EML1: variants seen among roughly 807,000 people sequenced by gnomAD.
EML1 encodes EMAP like 1.
A neutral mutation model predicts 110.4 loss-of-function variants in EML1; 27 were observed. That is an observed-to-expected ratio of 0.24 (90% confidence interval 0.18 to 0.34). The LOEUF is 0.34. Among genes scored for constraint, EML1 ranks in the 10% least tolerant of loss-of-function variants. The pLI, the probability that EML1 is intolerant of heterozygous loss-of-function variation, is 1.00. For missense variants in EML1, 741 were observed against 1,030.9 expected (o/e 0.72, Z 3.85); for synonymous variants, 344 against 385.8 (o/e 0.89, Z 1.27).
chr14:99,852,561 G>A (rs904699551), intron 2 of EML1, among the ~76,000 whole-genome samples: 1 of 152,164 alleles, frequency 6.6e-6, no homozygotes, highest in African/African-American at 2.4e-5. Context: ...GCTGCAGAGA[G>A]CACCACTGCA....
chr14:99,892,867 C>G (rs183087637), intron 5 of EML1, among the ~76,000 whole-genome samples: 1 of 152,314 alleles, frequency 6.6e-6, no homozygotes, highest in African/African-American at 2.4e-5. Context: ...TGCGAGCTTT[C>G]TGGCAGGACT....
Position 99,939,960 on chromosome 14 carries a change from A to G in EML1, c.2323-27A>G. ...AGATGGTTCGCCTTGTAGTAAAGGA[A>G]GCTTTCCCCCGTATCATTCCCTCCA... On this transcript the variant is annotated intron_variant, in intron 21 of 21. Transcript: ENST00000262233. The surrounding 1 kb of genome is among the most constrained non-coding windows in gnomAD (Gnocchi z 4.2). The G allele has an allele frequency of 6.6e-7, 1 of 1,513,288 alleles. No homozygotes were observed. Among genetic ancestry groups the G allele is most frequent in the Non-Finnish European group, 8.9e-7 (1 of 1,127,788 alleles). The allele number at this position is 1,513,288 out of a possible 1,614,324, so 93.7% of individuals were successfully genotyped here.
In EML1 at chr14:99,914,327, C is replaced by T. The variant is rs375425391; in HGVS notation, c.1620+23C>T. The T allele has an allele frequency of 1.9e-5, 31 of 1,597,196 alleles. No homozygotes were observed. In the African/African-American group the frequency reaches 3.0e-4, roughly 15 times the overall value. On this transcript the variant is annotated intron_variant, in intron 14 of 21. Coordinates refer to ENST00000262233, the MANE Select transcript of EML1 (RefSeq NM_004434.3). Reference sequence around the variant, plus strand: ...CAGGTACGATCCCACTCAGCAGGCCCGGCAAACACTCTCATTTTGCATTAT... The same window carrying T: ...CAGGTACGATCCCACTCAGCAGGCCTGGCAAACACTCTCATTTTGCATTAT...
chr14:99,932,516 G>A (rs544536601), intron 17 of EML1, among the ~76,000 whole-genome samples: 54 of 152,146 alleles, frequency 3.5e-4, no homozygotes, highest in Admixed American at 1.6e-3. Flanking sequence ...GCAGGCGCCT[G>A]TAATCCCAGC....
At chr14:99,743,397 G>A (rs1211659695) in intron 1 of EML1, among the ~76,000 whole-genome samples, 1 of 152,152 alleles carries the variant, frequency 6.6e-6, no homozygotes, top group African/African-American at 2.4e-5. Context: ...TAGTAGCTTC[G>A]AGTGGCACCA....
intron 1 of EML1, among the ~76,000 whole-genome samples, chr14:99,842,048 G>A (rs1002636051): frequency 6.6e-6 from 1 of 152,162 alleles, no homozygotes; most frequent in African/African-American, 2.4e-5. Context: ...GGGAAAAAAA[G>A]CTAAAGCTCA....
chr14:99,792,187 G>A (rs1056926879), upstream of EML1, among the ~76,000 whole-genome samples: 4 of 152,150 alleles, frequency 2.6e-5, no homozygotes, highest in African/African-American at 9.7e-5. Context: ...CTTCTGGAAG[G>A]ACAGGCCTCT....
intron 1 of EML1, among the ~76,000 whole-genome samples, chr14:99,820,904 A>G (rs1251270562): frequency 3.3e-5 from 5 of 151,986 alleles, no homozygotes; most frequent in Admixed American, 2.0e-4. Flanking sequence ...AAGCCTACAC[A>G]CTTTCTAACA....
intron 8 of EML1, among the ~76,000 whole-genome samples, chr14:99,900,181 CT>C (rs3071437): frequency 5.7e-3 from 607 of 106,578 alleles, no homozygotes; most frequent in Middle Eastern, 0.041. Flanking sequence ...ATATTAAGCT[CT>C]TTTTTTTTTT....
chr14:99,907,848 C>G, intron 10 of EML1, 115 bp downstream of exon 10: 1 of 878,348 alleles, frequency 1.1e-6, no homozygotes, highest in East Asian at 2.6e-5. Context: ...TTGTGTATGA[C>G]GCCTTCACCT....
chr14:99,937,787 A>T (rs117865170), intron 19 of EML1, 30 bp from the exon 20 acceptor site: 1 of 1,605,278 alleles, frequency 6.2e-7, no homozygotes, highest in Non-Finnish European at 8.5e-7. Context: ...GCCTTGGCTT[A>T]GATGTTGCCA....
At chr14:99,907,173 CCAGTGGCTCAGCCAGGCA>C (rs1421776816) in intron 9 of EML1, 3 of 154,126 alleles carry the variant, frequency 1.9e-5, no homozygotes, top group Admixed American at 6.5e-5. Flanking sequence ...TCAGCCAGGC[CCAGTGGCTCAGCCAGGCA>C]CAGTGGCTCA....
At position 99,907,741 on chromosome 14, in the gene EML1, T is replaced by G. The variant is rs1204542338; in HGVS notation, c.1104+8T>G. The G allele has an allele frequency of 6.2e-7, 1 of 1,613,816 alleles. No individual in the cohort carries two copies. ...AAACTAGCAGATGTGAAGGTCATGC[T>G]CCAAGCCTTTTTTGGGCTGCATTAA... On this transcript the variant is annotated splice_region_variant and intron_variant, in intron 10 of 21. Transcript: ENST00000262233.
intron 7 of EML1, 65 bp downstream of exon 7, chr14:99,897,359 A>C (rs112870020): frequency 6.7e-7 from 1 of 1,498,378 alleles, no homozygotes; most frequent in Non-Finnish European, 8.9e-7. Context: ...GCTTGAGGCC[A>C]GGAGTTCCAG....
At chr14:99,932,218 C>T (rs956328741) in intron 17 of EML1, among the ~76,000 whole-genome samples, 1 of 152,192 alleles carries the variant, frequency 6.6e-6, no homozygotes, top group African/African-American at 2.4e-5. Flanking sequence ...CAGAGGTGAG[C>T]TTCAACTCCT....
rs764727787 is a variant in EML1 at position 99,805,665 on chromosome 14, G to C, written c.67+12122G>C. ...AATTTTTTTATTTTTTTGTGGAAAT[G>C]GGGTCTCGATTTGTTCCTCAAGCTG... On this transcript the variant is annotated intron_variant, in intron 1 of 21. Coordinates refer to ENST00000262233, the MANE Select transcript of EML1 (RefSeq NM_004434.3). Among the ~76,000 whole-genome samples the C allele has an allele frequency of 2.6e-4, 40 of 152,064 alleles. 1 individual carries two copies. The highest frequency in any genetic ancestry group is 3.5e-4 in the Non-Finnish European group (24 of 67,988).
chr14:99,776,013 A>G (rs2057478383), intron 1 of EML1, among the ~76,000 whole-genome samples: 1 of 152,220 alleles, frequency 6.6e-6, no homozygotes, highest in Non-Finnish European at 1.5e-5. Flanking sequence ...TTTCAAAACT[A>G]TGGCTGTCTT....
rs548052229 is a variant in EML1 at position 99,742,575 on chromosome 14, G to A, written c.28+4715G>A. ...ACTGCTGGGGCTGGGGTGCTGGGAC[G>A]GTGCAGTGGAGGCTGAGCCTGATAC... is the stretch of plus-strand genomic sequence containing the variant. On this transcript the variant is annotated intron_variant, in intron 1 of 10. Transcript: ENST00000554479. Among the ~76,000 whole-genome samples the A allele has an allele frequency of 5.3e-5, 8 of 152,252 alleles. No homozygotes were observed. In the South Asian group the frequency reaches 1.5e-3, roughly 28 times the overall value.
intron 4 of EML1, among the ~76,000 whole-genome samples, chr14:99,888,837 G>A (rs976837239): frequency 6.7e-6 from 1 of 148,414 alleles, no homozygotes; most frequent in Non-Finnish European, 1.5e-5. Context: ...CCTCTTAGAT[G>A]GGAGTAGGAA....
Sources: gnomAD v4.1 joint callset for allele counts (sites outside exome capture counted in the v4.1 genomes callset) on GRCh38, gnomAD v4.1.1 for gene constraint, Gnocchi (gnomAD v3.1) non-coding constraint, MANE v1.5 for transcripts, NCBI Gene and HGNC (gene_info 2026-07-23, HGNC 2026-07-21) for gene names.